The following TENM2 variants were observed in gnomAD, a reference collection of about 807,000 sequenced individuals.
TENM2 encodes teneurin-2.
TENM2 carries 52 observed loss-of-function variants against 245.2 expected under a neutral mutation model. The observed-to-expected ratio is 0.21, with a 90% confidence interval of 0.17 to 0.27. TENM2 has a LOEUF of 0.27. Among genes scored for constraint, TENM2 ranks in the 10% least tolerant of loss-of-function variants. The pLI, the probability that TENM2 is intolerant of heterozygous loss-of-function variation, is 1.00. For missense variants in TENM2, 3,046 were observed against 3,666.8 expected (o/e 0.83, Z 4.37); for synonymous variants, 1,363 against 1,438.9 (o/e 0.95, Z 1.19).
chr5:167,129,788 C>T, the TENM2 span, among the ~76,000 whole-genome samples: 32 of 152,194 alleles, frequency 2.1e-4, no homozygotes, highest in Middle Eastern at 3.4e-3. Context: ...TCCCTTGACC[C>T]ACAAAGATTT....
chr5:167,655,761 A>G, intron 2 of TENM2, among the ~76,000 whole-genome samples: 1 of 152,198 alleles, frequency 6.6e-6, no homozygotes, highest in East Asian at 1.9e-4. Flanking sequence ...TCAGCAAACA[A>G]ATTGGACTGA....
At chr5:167,394,227 T>C (rs1430754532) in intron 2 of TENM2, among the ~76,000 whole-genome samples, 1 of 151,998 alleles carries the variant, frequency 6.6e-6, no homozygotes. Context: ...TCTTTCCCAA[T>C]TTTTTTTAGG....
At chr5:167,876,550 C>G (rs1276016137) in intron 3 of TENM2, among the ~76,000 whole-genome samples, 2 of 152,092 alleles carry the variant, frequency 1.3e-5, no homozygotes, top group African/African-American at 2.4e-5. Flanking sequence ...CCCTGGACAC[C>G]CTCACAGGCC....
intron 3 of TENM2, among the ~76,000 whole-genome samples, chr5:167,945,853 G>A (rs1029869822): frequency 2.6e-5 from 4 of 152,172 alleles, no homozygotes; most frequent in Admixed American, 6.5e-5. Context: ...GTGCAACCCA[G>A]GCCAGAGGCA....
At chr5:167,859,108 G>A (rs1244568904) in intron 2 of TENM2, among the ~76,000 whole-genome samples, 17 of 134,062 alleles carry the variant, frequency 1.3e-4, no homozygotes, top group Admixed American at 2.2e-4. Context: ...TGTGGGGAGC[G>A]CCTCTGCCCC....
At chr5:167,759,879 C>T (rs11738000) in intron 2 of TENM2, among the ~76,000 whole-genome samples, 85,011 of 150,162 alleles carry the variant, frequency 0.57, 26,453 homozygotes, top group Middle Eastern at 0.72. Flanking sequence ...TCTTTAGCTC[C>T]GAAGTGTGAA....
At chr5:167,651,915 A>G (rs888209744) in intron 2 of TENM2, among the ~76,000 whole-genome samples, 5 of 152,206 alleles carry the variant, frequency 3.3e-5, no homozygotes, top group Non-Finnish European at 7.3e-5. Flanking sequence ...AGTATAGCAC[A>G]GTCATTAAGA....
At chr5:167,803,081 C>A (rs1281622437) in intron 2 of TENM2, among the ~76,000 whole-genome samples, 1 of 152,142 alleles carries the variant, frequency 6.6e-6, no homozygotes, top group Non-Finnish European at 1.5e-5. Flanking sequence ...CTCAGGCACA[C>A]AGAGAAATGT....
intron 2 of TENM2, among the ~76,000 whole-genome samples, chr5:167,423,479 A>C (rs2127427813): frequency 6.6e-6 from 1 of 152,328 alleles, no homozygotes; most frequent in Admixed American, 6.5e-5. Context: ...TAGTGTTCTT[A>C]ATGAACTGTT....
At chr5:168,044,239 C>A (rs879516617) in intron 5 of TENM2, among the ~76,000 whole-genome samples, 3 of 152,122 alleles carry the variant, frequency 2.0e-5, no homozygotes, top group African/African-American at 4.8e-5. Flanking sequence ...CACGGTGAAA[C>A]CCCGTCTCTA....
chr5:167,753,569 C>T (rs144935026), intron 2 of TENM2, among the ~76,000 whole-genome samples: 1 of 152,128 alleles, frequency 6.6e-6, no homozygotes, highest in Non-Finnish European at 1.5e-5. Context: ...TTCATGATAA[C>T]CTGTTGATGT....
chr5:167,949,063 G>C (rs1348845739), intron 3 of TENM2: 3 of 152,274 alleles, frequency 2.0e-5, no homozygotes, highest in African/African-American at 4.8e-5. Context: ...TGTAGCAGAG[G>C]TGCTTCATAC....
the TENM2 span, among the ~76,000 whole-genome samples, chr5:167,156,442 C>T: frequency 2.2e-4 from 33 of 152,256 alleles, no homozygotes; most frequent in Non-Finnish European, 3.5e-4. Context: ...ACGTATTTGC[C>T]TCAACCAGTG....
At chr5:167,916,726 A>G (rs888287563) in intron 3 of TENM2, among the ~76,000 whole-genome samples, 5 of 152,072 alleles carry the variant, frequency 3.3e-5, no homozygotes, top group African/African-American at 1.2e-4. Context: ...GAGGCCCCAG[A>G]ACCAAAAAAA....
At chr5:167,161,547 G>C in the TENM2 span, among the ~76,000 whole-genome samples, 1 of 152,152 alleles carries the variant, frequency 6.6e-6, no homozygotes, top group Admixed American at 6.6e-5. Context: ...ATTTTTTAAA[G>C]TAACAGATTA....
At chr5:167,429,697 C>T (rs1764095676) in intron 2 of TENM2, among the ~76,000 whole-genome samples, 1 of 151,166 alleles carries the variant, frequency 6.6e-6, no homozygotes, top group Non-Finnish European at 1.5e-5. Context: ...ACCTCCGCCT[C>T]CCAGGTTCAA....
the TENM2 span, among the ~76,000 whole-genome samples, chr5:167,152,791 A>G: frequency 5.3e-5 from 8 of 152,200 alleles, no homozygotes; most frequent in African/African-American, 1.9e-4. Flanking sequence ...AGGGCAGGAC[A>G]GAGCAGGACA....
chr5:167,088,591 C>T, the TENM2 span, among the ~76,000 whole-genome samples: 12 of 151,520 alleles, frequency 7.9e-5, no homozygotes, highest in Admixed American at 3.3e-4. Flanking sequence ...CGGGCCACTG[C>T]ACTCCAGCCT....
chr5:167,119,184 C>A, the TENM2 span, among the ~76,000 whole-genome samples: 1 of 152,170 alleles, frequency 6.6e-6, no homozygotes, highest in Non-Finnish European at 1.5e-5. Context: ...GTTAATATTA[C>A]TAAAGTATGT....
Sources: allele counts gnomAD v4.1 joint callset (sites outside exome capture counted in the v4.1 genomes callset), GRCh38; gene constraint gnomAD v4.1.1; transcripts MANE v1.5; gene names NCBI Gene and HGNC (gene_info 2026-07-23, HGNC 2026-07-21).